ST6GALNAC2: variants seen among roughly 807,000 people sequenced by gnomAD.
ST6GALNAC2 encodes the protein alpha-N-acetylgalactosaminide alpha-2,6-sialyltransferase 2.
In ST6GALNAC2, 42 loss-of-function variants were observed where a neutral mutation model predicts 38.7. That is an observed-to-expected ratio of 1.09 (90% CI 0.85 to 1.40). The LOEUF is 1.40. Ranked by LOEUF, ST6GALNAC2 falls within the 40% of genes most tolerant of loss-of-function variation. The pLI, the probability that ST6GALNAC2 is intolerant of heterozygous loss-of-function variation, is 0.00. For missense variants in ST6GALNAC2, 506 were observed against 481.7 expected, an observed-to-expected ratio of 1.05 and a Z score of -0.47; for synonymous variants, 233 against 209.0, an observed-to-expected ratio of 1.11 and a Z score of -0.99.
At chr17:76,584,059 C>T (rs2075513876) in intron 1 of ST6GALNAC2, among the ~76,000 whole-genome samples, 1 of 150,692 alleles carries the variant, frequency 6.6e-6, no homozygotes, top group African/African-American at 2.4e-5. Flanking sequence ...ACCTCGTGAT[C>T]CGCCTGCCTC....
In ST6GALNAC2 at chr17:76,570,599, C is replaced by G; in HGVS notation, c.739G>C (p.Val247Leu). 1 of 1,613,174 alleles carries G rather than the reference C, an allele frequency of 6.2e-7. No individual in the cohort carries two copies. The highest frequency in any genetic ancestry group is 8.5e-7 in the Non-Finnish European group (1 of 1,179,734). ...TTATCTAGGCCCTCAGGGACAGGCA[C>G]GCCCAGAATGGCCGATCTCAGCATC... is the stretch of plus-strand genomic sequence containing the variant. ...YVMLRSAILGVPVPEGLDKGD... is the reference protein window; with the variant it reads ...YVMLRSAILGLPVPEGLDKGD... The change falls in exon 6 of 9, where the codon GTG (valine) becomes CTG (leucine). Residue 247 changes from valine to leucine, a missense_variant. Transcript: ENST00000225276.
intron 7 of ST6GALNAC2, 126 bp from the exon 8 acceptor site, chr17:76,567,678 T>C (rs2075301959): frequency 1.5e-6 from 1 of 658,638 alleles, no homozygotes; most frequent in Non-Finnish European, 2.7e-6. Context: ...CAGTTCTTTA[T>C]TCGGTCCAAG....
At chr17:76,568,900 C>A in intron 6 of ST6GALNAC2, 104 bp from the exon 7 acceptor site, 2 of 1,065,358 alleles carry the variant, frequency 1.9e-6, no homozygotes, top group South Asian at 1.3e-5. Context: ...GTACCCTGAG[C>A]GGTAGGAGCG....
At chr17:76,568,645 T>C (rs1252176295) in intron 7 of ST6GALNAC2, 68 bp downstream of exon 7, 2 of 1,511,546 alleles carry the variant, frequency 1.3e-6, no homozygotes, top group Non-Finnish European at 1.8e-6. Context: ...GGGCGCTGAC[T>C]GGATGTGGGT....
chr17:76,572,864 C>T, intron 4 of ST6GALNAC2, 89 bp from the exon 5 acceptor site: 2 of 1,520,464 alleles, frequency 1.3e-6, no homozygotes, highest in South Asian at 1.1e-5. Flanking sequence ...GGCCTATCCC[C>T]CTGCCTCTGT....
chr17:76,569,185 AGTG>A, intron 6 of ST6GALNAC2: 1 of 109,898 alleles, frequency 9.1e-6, no homozygotes, highest in Non-Finnish European at 1.5e-5. Flanking sequence ...GTTTTGGGGA[AGTG>A]GTGCTGTGGG....
intron 8 of ST6GALNAC2, among the ~76,000 whole-genome samples, 156 bp downstream of exon 8, chr17:76,567,297 G>A (rs548123173): frequency 6.6e-6 from 1 of 152,304 alleles, no homozygotes; most frequent in South Asian, 2.1e-4. Context: ...TTGTGGGCAA[G>A]GAAGTGAGCA....
chr17:76,573,294 G>A lies in ST6GALNAC2; in HGVS notation c.431C>T (p.Thr144Ile). ...GGCACACCGGATACACTTTGGAGGGGTGTCCCTGGGCGGGGCAAACAGCTT... is the reference window on the plus strand; with the variant it reads ...GGCACACCGGATACACTTTGGAGGGATGTCCCTGGGCGGGGCAAACAGCTT... ...SAKLFAPPRDTPPKCIRCAVV... is the reference protein window; with the variant it reads ...SAKLFAPPRDIPPKCIRCAVV... The change falls in exon 4 of 9, where the codon ACC becomes ATC. Residue 144 changes from threonine (T) to isoleucine (I), a missense_variant. Physicochemically the swap from Thr to Ile is moderately conservative, Grantham distance 89 (BLOSUM62 -1). Transcript: ENST00000225276. This position sits in a 1 kb window ranked among gnomAD's most constrained non-coding sequence, Gnocchi z 5.1. 6.2e-7 allele frequency: 1 copy of A among 1,603,190 alleles called. No individual in the cohort carries two copies. Among genetic ancestry groups the A allele is most frequent in the African/African-American group, 1.3e-5 (1 of 74,936 alleles).
At chr17:76,585,582 T>G in intron 1 of ST6GALNAC2, 102 bp downstream of exon 1, 1 of 1,323,176 alleles carries the variant, frequency 7.6e-7, no homozygotes, top group Non-Finnish European at 9.8e-7. Flanking sequence ...CACGCGGAGG[T>G]TGGGCTGAGG....
At chr17:76,574,284 G>T in intron 3 of ST6GALNAC2, 81 bp downstream of exon 3, 1 of 1,502,964 alleles carries the variant, frequency 6.7e-7, no homozygotes, top group Non-Finnish European at 9.1e-7. Flanking sequence ...TGCTATGAGG[G>T]CAGAGAGGCC....
Position 76,567,730 on chromosome 17 carries a change from G to C in ST6GALNAC2, c.858-178C>G, listed in dbSNP as rs142818241. Reference sequence around the variant, plus strand: ...ATCTTTGAGACCTTAGGTAAGGTTGGGGGAGGGGGTGGTGAGAAAGGAACC... The same window carrying C: ...ATCTTTGAGACCTTAGGTAAGGTTGCGGGAGGGGGTGGTGAGAAAGGAACC... On this transcript the variant is annotated intron_variant, in intron 7 of 8. Transcript: ENST00000225276. 2,167 of 544,228 alleles carry C rather than the reference G, an allele frequency of 4.0e-3. 42 individuals carry two copies. Among genetic ancestry groups the C allele is most frequent in the African/African-American group, 0.037 (1,955 of 52,698 alleles). The allele number at this position is 544,228 out of a possible 1,614,324, so 33.7% of individuals were successfully genotyped here.
chr17:76,567,172 A>T (rs966107539), intron 8 of ST6GALNAC2, among the ~76,000 whole-genome samples: 5 of 152,134 alleles, frequency 3.3e-5, no homozygotes, highest in Admixed American at 3.3e-4. Flanking sequence ...GCTGCCTTGG[A>T]GAAGAGTGAA....
At chr17:76,578,213 T>C in intron 2 of ST6GALNAC2, among the ~76,000 whole-genome samples, 1 of 152,144 alleles carries the variant, frequency 6.6e-6, no homozygotes, top group Non-Finnish European at 1.5e-5. Flanking sequence ...AGCGGGGTAC[T>C]TAACTTCTTG....
intron 7 of ST6GALNAC2, 182 bp from the exon 8 acceptor site, chr17:76,567,734 A>G: frequency 8.9e-6 from 4 of 448,610 alleles, no homozygotes; most frequent in Non-Finnish European, 1.6e-5. Flanking sequence ...AGGTTGGGGG[A>G]GGGGGTGGTG....
At chr17:76,576,960 A>C (rs1219487625) in intron 2 of ST6GALNAC2, among the ~76,000 whole-genome samples, 1 of 148,496 alleles carries the variant, frequency 6.7e-6, no homozygotes, top group Non-Finnish European at 1.5e-5. Context: ...ACAAGAGCGA[A>C]ACTCCATCTC....
chr17:76,568,723 G>A lies in ST6GALNAC2; in HGVS notation c.847C>T (p.Leu283=), dbSNP rs756207493. Residue 283 remains leucine (L), a synonymous_variant, in exon 7 of 9, where the codon CTG becomes TTG. Transcript: ENST00000225276. ...CACCCCACTCCGTACCTTTCTGTCAGGTAGCTGATGAAGTCCGGATGTAGC... is the reference window on the plus strand; with the variant it reads ...CACCCCACTCCGTACCTTTCTGTCAAGTAGCTGATGAAGTCCGGATGTAGC... The part of the protein sequence containing the change: ...KLLHPDFISY[L]TERFLKSKLI... 2.6e-5 allele frequency: 42 copies of A among 1,613,616 alleles called. No individual in the cohort carries two copies. The South Asian group carries it at 4.3e-4, about 16-fold the overall frequency.
At chr17:76,574,837 C>A (rs1220685544) in intron 2 of ST6GALNAC2, among the ~76,000 whole-genome samples, 1 of 152,034 alleles carries the variant, frequency 6.6e-6, no homozygotes, top group Non-Finnish European at 1.5e-5. Context: ...CCACCACGCC[C>A]GGCTAATTTT....
At chr17:76,574,632 G>A (rs1364065546) in intron 2 of ST6GALNAC2, 93 bp from the exon 3 acceptor site, 8 of 1,111,426 alleles carry the variant, frequency 7.2e-6, no homozygotes, top group Non-Finnish European at 8.8e-6. Flanking sequence ...CGAGTTGTGA[G>A]GGAAGGCCTG....
At chr17:76,581,913 TGGA>T (rs2075480296) in intron 1 of ST6GALNAC2, among the ~76,000 whole-genome samples, 1 of 152,188 alleles carries the variant, frequency 6.6e-6, no homozygotes, top group Admixed American at 6.6e-5. Flanking sequence ...GTCACCAGGC[TGGA>T]GTAGTACAGT....
Sources: gnomAD v4.1 joint callset for allele counts (sites outside exome capture counted in the v4.1 genomes callset) on GRCh38, gnomAD v4.1.1 for gene constraint, Gnocchi (gnomAD v3.1) non-coding constraint, MANE v1.5 for transcripts, NCBI Gene and HGNC (gene_info 2026-07-23, HGNC 2026-07-21) for gene names.